TASOR2: variants seen among roughly 807,000 people sequenced by gnomAD.
TASOR2 encodes protein TASOR 2.
Under a neutral mutation model 199.5 loss-of-function variants are expected in TASOR2, and 84 were observed. The ratio of observed to expected loss-of-function variants is 0.42; its 90% CI spans 0.35 to 0.50. The LOEUF is 0.50. Ranked by LOEUF, TASOR2 falls within the 20% of genes least tolerant of loss-of-function variation. The probability of loss-of-function intolerance (pLI) is 0.02; values close to 1 mark genes in which losing one functional copy is unlikely to be tolerated. For missense variants in TASOR2, 2,796 were observed against 2,835.9 expected, an observed-to-expected ratio of 0.99 and a Z score of 0.32; for synonymous variants, 1,103 against 1,046.6, an observed-to-expected ratio of 1.05 and a Z score of -1.04.
chr10:5,711,172 A>T (rs1159293163), intron 1 of TASOR2, among the ~76,000 whole-genome samples: 1 of 152,122 alleles, frequency 6.6e-6, no homozygotes, highest in Non-Finnish European at 1.5e-5. Flanking sequence ...TCATTTTGAT[A>T]CTTGGAAGTT....
Position 5,750,333 on chromosome 10 carries a change from A to AT in TASOR2, c.6606+312dup, listed in dbSNP as rs1273727310. Among the ~76,000 whole-genome samples, 2 of 152,170 alleles carry AT rather than the reference A, an allele frequency of 1.3e-5. No individual in the cohort carries two copies. Among genetic ancestry groups the AT allele is most frequent in the Non-Finnish European group, 2.9e-5 (2 of 68,030 alleles). ...AACACATTCCGATGTTAAAATACAG[A>AT]TTTTTTGAAAAGTGGTTGTAGATTG... On this transcript the variant is annotated intron_variant, in intron 15 of 20. Transcript: ENST00000328090. The surrounding 1 kb of genome is among the most constrained non-coding windows in gnomAD (Gnocchi z 5.4).
In TASOR2 at chr10:5,748,816, G is replaced by A. The variant is rs761806732; in HGVS notation, c.5395G>A (p.Glu1799Lys). The change falls in exon 15 of 21, where the codon GAG becomes AAG. Residue 1799 changes from glutamate to lysine, a missense_variant. Transcript: ENST00000328090. This position sits in a 1 kb window ranked among gnomAD's most constrained non-coding sequence, Gnocchi z 5.1. ...GCACGTAGAAATTGAGAACAGTGGG[G>A]AGGGGCTCAGGGCTGAGGCTGGTTC... is the stretch of plus-strand genomic sequence containing the variant. 2 of 1,614,202 alleles carry A rather than the reference G, an allele frequency of 1.2e-6. No homozygotes were observed. Among genetic ancestry groups the A allele is most frequent in the South Asian group, 2.2e-5 (2 of 91,082 alleles).
chr10:5,689,205 A>G lies in TASOR2; in HGVS notation c.-288+4030A>G, dbSNP rs2131484231. ...CTTTTGGCTTTCATTATTGCTATTG[A>G]AAAGTCACCTATCAGTCTATCAATT... On this transcript the variant is annotated intron_variant, in intron 1 of 20. Coordinates refer to ENST00000328090, the Ensembl canonical transcript of TASOR2. This position sits in a 1 kb window ranked among gnomAD's most constrained non-coding sequence, Gnocchi z 4.1. 6.6e-6 allele frequency among the ~76,000 whole-genome samples: 1 copy of G among 152,290 alleles called. No homozygotes were observed. The highest frequency in any genetic ancestry group is 1.5e-5 in the Non-Finnish European group (1 of 68,026).
At chr10:5,694,636 AC>A (rs376521928) in intron 1 of TASOR2, among the ~76,000 whole-genome samples, 4 of 152,366 alleles carry the variant, frequency 2.6e-5, no homozygotes, top group Non-Finnish European at 4.4e-5. Flanking sequence ...TTTCACTGTT[AC>A]TAAATAGTTT....
At chr10:5,721,789 C>G (rs959931439) in intron 6 of TASOR2, among the ~76,000 whole-genome samples, 14 of 152,154 alleles carry the variant, frequency 9.2e-5, no homozygotes, top group Non-Finnish European at 1.5e-4. Context: ...CCACTACTTG[C>G]TTATTAATCA....
chr10:5,716,774 G>T (rs974957994), intron 2 of TASOR2, among the ~76,000 whole-genome samples: 1 of 151,838 alleles, frequency 6.6e-6, no homozygotes, highest in Admixed American at 6.6e-5. Context: ...AATTAGCCAG[G>T]CATGGTGGCA....
exon 8 of TASOR2, chr10:5,724,480 A>G: frequency 6.5e-7 from 1 of 1,537,734 alleles, no homozygotes; most frequent in Non-Finnish European, 8.7e-7. Flanking sequence ...ACTGTCAAAC[A>G]GACAAGGGGA....
In TASOR2 at chr10:5,739,116, A is replaced by G. The variant is rs148701813; in HGVS notation, c.1448-502A>G. Among the ~76,000 whole-genome samples the G allele has an allele frequency of 7.0e-3, 1,059 of 152,362 alleles. 5 individuals are homozygous for G. The highest frequency in any genetic ancestry group is 0.011 in the Non-Finnish European group (762 of 68,034). On this transcript the variant is annotated intron_variant, in intron 12 of 20. Coordinates refer to ENST00000328090, the Ensembl canonical transcript of TASOR2. ...TCATTTGAACTTAGGTAGTTTCTCTAATAAATCGCTTGTTCAGGGAAATGG... is the reference window on the plus strand; with the variant it reads ...TCATTTGAACTTAGGTAGTTTCTCTGATAAATCGCTTGTTCAGGGAAATGG...
chr10:5,726,846 A>G (rs377564623), intron 8 of TASOR2, 39 bp from the exon 10 acceptor site: 2 of 1,558,280 alleles, frequency 1.3e-6, no homozygotes, highest in African/African-American at 2.7e-5. Flanking sequence ...GAGGGATTGC[A>G]GAATATTCCT....
At chr10:5,736,695 C>T (rs1835655396) in intron 12 of TASOR2, among the ~76,000 whole-genome samples, 1 of 152,214 alleles carries the variant, frequency 6.6e-6, no homozygotes, top group Non-Finnish European at 1.5e-5. Flanking sequence ...AACCTCTGTA[C>T]TAGAAAGTTT....
At chr10:5,688,457 C>G (rs1011906544) in intron 1 of TASOR2, among the ~76,000 whole-genome samples, 1 of 130,436 alleles carries the variant, frequency 7.7e-6, no homozygotes, top group Non-Finnish European at 1.5e-5. Flanking sequence ...AAGCTAGTCT[C>G]GAACTGCTGG....
At chr10:5,695,518 A>G (rs1401854958) in intron 1 of TASOR2, among the ~76,000 whole-genome samples, 3 of 152,238 alleles carry the variant, frequency 2.0e-5, no homozygotes, top group Non-Finnish European at 4.4e-5. Context: ...TACACAAAAT[A>G]TAAAATAATG....
Position 5,747,201 on chromosome 10 carries a change from C to G in TASOR2, c.3780C>G (p.Ile1260Met), listed in dbSNP as rs199707358. 1.8e-5 allele frequency: 29 copies of G among 1,613,818 alleles called. No homozygotes were observed. Among genetic ancestry groups the G allele is most frequent in the Non-Finnish European group, 2.4e-5 (28 of 1,180,014 alleles). Residue 1260 changes from isoleucine (I) to methionine (M), a missense_variant, in exon 15 of 21, where the codon ATC (isoleucine) becomes ATG (methionine). Ile to Met is a conservative substitution (Grantham distance 10, BLOSUM62 1). This residue lies in a region of TASOR2 where 1,941 missense variants were observed against 1,924.9 expected (regional missense o/e 1.01). Transcript: ENST00000328090. ...TGGAAGCGTTTGATTCAGTATTTAT[C>G]AAACAAACAAGCCTGTCTGTGAGTA...
At position 5,730,452 on chromosome 10, in the gene TASOR2, A is replaced by G; in HGVS notation, c.488-35A>G. On this transcript the variant is annotated intron_variant, in intron 10 of 20. Coordinates refer to ENST00000328090, the Ensembl canonical transcript of TASOR2. The surrounding 1 kb of genome is among the most constrained non-coding windows in gnomAD (Gnocchi z 4.1). Reference sequence around the variant, plus strand: ...AGAATGTTTTGTTTTTAAAAAATAAACTTCAGATGTTTAATACGTGTGTAT... The same window carrying G: ...AGAATGTTTTGTTTTTAAAAAATAAGCTTCAGATGTTTAATACGTGTGTAT... 7.0e-7 allele frequency: 1 copy of G among 1,422,778 alleles called. No individual in the cohort carries two copies. Among genetic ancestry groups the G allele is most frequent in the Non-Finnish European group, 9.4e-7 (1 of 1,064,102 alleles). The allele number at this position is 1,422,778 out of a possible 1,614,324, so 88.1% of individuals were successfully genotyped here.
intron 1 of TASOR2, among the ~76,000 whole-genome samples, chr10:5,703,648 C>A (rs1053560589): frequency 6.6e-6 from 1 of 151,340 alleles, no homozygotes; most frequent in Non-Finnish European, 1.5e-5. Flanking sequence ...GGACTACAGG[C>A]GCCCGCCACC....
In TASOR2 at chr10:5,730,997, A is replaced by G. The variant is rs1027441111; in HGVS notation, c.998A>G (p.Lys333Arg). ...GATTCTGAAGAAATGTTGAAAGCAA[A>G]GAAGAGAGTTTTTCCATTGAGTCCA... Residue 333 changes from lysine (K) to arginine (R), a missense_variant, in exon 11 of 21, where the codon AAG becomes AGG. Transcript: ENST00000328090. The surrounding 1 kb of genome is among the most constrained non-coding windows in gnomAD (Gnocchi z 4.1). 6.2e-7 allele frequency: 1 copy of G among 1,614,032 alleles called. No homozygotes were observed. The highest frequency in any genetic ancestry group is 1.3e-5 in the African/African-American group (1 of 74,924).
At position 5,740,413 on chromosome 10, in the gene TASOR2, A is replaced by G. The variant is rs374638430; in HGVS notation, c.2243A>G (p.Lys748Arg). The G allele has an allele frequency of 2.1e-4, 339 of 1,614,210 alleles. 6 individuals carry two copies. The South Asian group carries it at 2.7e-3, about 13-fold the overall frequency. Reference sequence around the variant, plus strand: ...GATGACTCCGTTAAGATCACTTTCAAATGTGAAACAGAATATGCATTCAGT... The same window carrying G: ...GATGACTCCGTTAAGATCACTTTCAGATGTGAAACAGAATATGCATTCAGT... Residue 748 changes from lysine to arginine, a missense_variant, in exon 13 of 21, where the codon AAA becomes AGA. Lys to Arg is a conservative substitution (Grantham distance 26). Transcript: ENST00000328090. The surrounding 1 kb of genome is among the most constrained non-coding windows in gnomAD (Gnocchi z 5.3).
intron 1 of TASOR2, among the ~76,000 whole-genome samples, chr10:5,703,372 T>C (rs1416873683): frequency 6.6e-6 from 1 of 152,138 alleles, no homozygotes; most frequent in Non-Finnish European, 1.5e-5. Flanking sequence ...TTTTTTTAAA[T>C]CTCTCAGTAT....
At position 5,748,665 on chromosome 10, in the gene TASOR2, G is replaced by C. The variant is rs1262299498; in HGVS notation, c.5244G>C (p.Gly1748=). 2.5e-6 allele frequency: 4 copies of C among 1,614,066 alleles called. No individual in the cohort carries two copies. Among genetic ancestry groups the C allele is most frequent in the Non-Finnish European group, 3.4e-6 (4 of 1,180,042 alleles). The change falls in exon 15 of 21, where the codon GGG becomes GGC. Residue 1748 remains glycine (G), a synonymous_variant. Coordinates refer to ENST00000328090, the Ensembl canonical transcript of TASOR2. This position sits in a 1 kb window ranked among gnomAD's most constrained non-coding sequence, Gnocchi z 5.1. ...AAACAAAGGAGCTATTGAATGTCGG[G>C]GTTTCCTCCCTTTGTGCTGGTCCCT...
Sources: allele counts gnomAD v4.1 joint callset (sites outside exome capture counted in the v4.1 genomes callset), GRCh38; gene constraint gnomAD v4.1.1; regional missense constraint gnomAD v4.1.1; non-coding constraint Gnocchi (gnomAD v3.1); transcripts MANE v1.5; gene names NCBI Gene and HGNC (gene_info 2026-07-23, HGNC 2026-07-21).